The following STIM1 variants were observed in gnomAD, a reference collection of about 807,000 sequenced individuals.
STIM1 encodes the protein stromal interaction molecule 1.
In STIM1, 25 loss-of-function variants were observed where a neutral mutation model predicts 74.7. The ratio of observed to expected loss-of-function variants is 0.33; its 90% CI spans 0.24 to 0.47. The LOEUF (loss-of-function observed/expected upper bound fraction) is 0.47. Among genes scored for constraint, STIM1 ranks in the 20% least tolerant of loss-of-function variants. The probability of loss-of-function intolerance (pLI) is 1.00; values close to 1 mark genes in which losing one functional copy is unlikely to be tolerated. For missense variants in STIM1, 728 were observed against 920.8 expected, an observed-to-expected ratio of 0.79 and a Z score of 2.71; for synonymous variants, 328 against 348.8, an observed-to-expected ratio of 0.94 and a Z score of 0.66.
At chr11:3,938,146 C>T (rs1250321502) in intron 1 of STIM1, among the ~76,000 whole-genome samples, 1 of 152,078 alleles carries the variant, frequency 6.6e-6, no homozygotes, top group African/African-American at 2.4e-5. Context: ...CCATGTTGGT[C>T]AGGCTGGTCT....
chr11:4,047,709 A>T (rs1233712442), intron 3 of STIM1, among the ~76,000 whole-genome samples: 1 of 151,942 alleles, frequency 6.6e-6, no homozygotes, highest in African/African-American at 2.4e-5. Flanking sequence ...AGTCTTAGCT[A>T]CTCAGGAAGC....
At chr11:3,903,685 C>T (rs1358367650) in intron 1 of STIM1, 1 of 152,140 alleles carries the variant, frequency 6.6e-6, no homozygotes, top group African/African-American at 2.4e-5. Context: ...TTGAGACTTC[C>T]TGTTGTCATT....
intron 5 of STIM1, among the ~76,000 whole-genome samples, chr11:4,062,783 A>G (rs1316516137): frequency 6.6e-6 from 1 of 152,252 alleles, no homozygotes; most frequent in African/African-American, 2.4e-5. Flanking sequence ...CCACTAGGAT[A>G]TAATAAAAAA....
chr11:3,892,439 C>A lies in STIM1; in HGVS notation c.139+36030C>A, dbSNP rs1055645330. On this transcript the variant is annotated intron_variant, in intron 1 of 12. Coordinates refer to ENST00000526596, the MANE Select transcript of STIM1 (RefSeq NM_001382567.1). ...AGTGGTGATCTTCTTGCTGGTCTTG[C>A]CATTCCTGGACCCAAAGTGCTCTAT... The A allele has an allele frequency of 3.4e-6, 5 of 1,477,528 alleles. No homozygotes were observed. In the African/African-American group the frequency reaches 4.1e-5, roughly 12 times the overall value. The allele number at this position is 1,477,528 out of a possible 1,614,324, so 91.5% of individuals were successfully genotyped here.
intron 2 of STIM1, among the ~76,000 whole-genome samples, chr11:4,021,757 G>A (rs765203849): frequency 2.2e-4 from 33 of 152,040 alleles, no homozygotes; most frequent in African/African-American, 5.8e-4. Flanking sequence ...CATTGAATCC[G>A]TAGATTGCTT....
At chr11:4,052,453 T>C (rs1159653127) in intron 3 of STIM1, among the ~76,000 whole-genome samples, 1 of 152,184 alleles carries the variant, frequency 6.6e-6, no homozygotes, top group Non-Finnish European at 1.5e-5. Context: ...AACCATCTGA[T>C]CTTTGACAAA....
At chr11:3,908,342 G>A (rs893801274) in intron 1 of STIM1, among the ~76,000 whole-genome samples, 6 of 152,212 alleles carry the variant, frequency 3.9e-5, no homozygotes, top group Non-Finnish European at 2.9e-5. Context: ...GCCAGGCACG[G>A]CGGCTCACGC....
chr11:3,991,363 GT>G (rs1217694509), intron 2 of STIM1, among the ~76,000 whole-genome samples: 3 of 151,040 alleles, frequency 2.0e-5, no homozygotes, highest in Non-Finnish European at 4.4e-5. Flanking sequence ...TAGATACGGG[GT>G]TTTGCCATGT....
chr11:4,080,467 GTT>G, intron 7 of STIM1, among the ~76,000 whole-genome samples: 1 of 129,746 alleles, frequency 7.7e-6, no homozygotes, highest in African/African-American at 2.8e-5. Context: ...TAACCAAACA[GTT>G]TTTTTTTTTT....
chr11:4,057,856 C>T (rs1476617792), intron 4 of STIM1, among the ~76,000 whole-genome samples: 4 of 143,518 alleles, frequency 2.8e-5, no homozygotes, highest in African/African-American at 7.9e-5. Flanking sequence ...AGCGACAGAG[C>T]GAGACTCCGT....
At chr11:4,088,756 G>A in intron 12 of STIM1, 1 of 1,535,538 alleles carries the variant, frequency 6.5e-7, no homozygotes, top group Non-Finnish European at 8.7e-7. Flanking sequence ...GCTTGGGATG[G>A]GAGTCCGAGG....
At position 4,074,822 on chromosome 11, in the gene STIM1, A is replaced by G. The variant is rs528602841; in HGVS notation, c.969+143A>G. 6.5e-4 allele frequency: 619 copies of G among 954,920 alleles called. 2 individuals carry two copies. The highest frequency in any genetic ancestry group is 8.7e-4 in the Non-Finnish European group (563 of 645,806). 59.2% of individuals were successfully genotyped at this position (954,920 alleles called of 1,614,324 possible). A position where few individuals can be genotyped will look rare whatever the true frequency, so the allele number is the denominator to read the frequency against. On this transcript the variant is annotated intron_variant, in intron 7 of 12. Coordinates refer to ENST00000526596, the MANE Select transcript of STIM1 (RefSeq NM_001382567.1). ...CTAGAGTCACTGGACTCTTACCAAC[A>G]ATAAGAGTTCAAGTTGTAAAAAATA...
chr11:3,978,148 CTTTTT>C (rs768698563), intron 2 of STIM1, among the ~76,000 whole-genome samples: 1 of 139,380 alleles, frequency 7.2e-6, no homozygotes. Flanking sequence ...TGCCTGTGTA[CTTTTT>C]TTTTTTTTTT....
At chr11:3,859,900 C>T (rs1420670084) in intron 1 of STIM1, among the ~76,000 whole-genome samples, 2 of 152,198 alleles carry the variant, frequency 1.3e-5, no homozygotes, top group Non-Finnish European at 2.9e-5. Flanking sequence ...GACAATCACC[C>T]TTAGCTAGGT....
At chr11:3,947,342 C>G (rs1399767483) in intron 1 of STIM1, 1 of 152,064 alleles carries the variant, frequency 6.6e-6, no homozygotes, top group Admixed American at 6.6e-5. Context: ...AAAGTGAGCA[C>G]CAATTTGAGT....
chr11:4,082,143 T>C, intron 7 of STIM1, 41 bp from the exon 8 acceptor site: 1 of 1,608,410 alleles, frequency 6.2e-7, no homozygotes, highest in Non-Finnish European at 8.5e-7. Flanking sequence ...TTGGAGAGTC[T>C]TAGTAGCAGT....
At chr11:3,896,106 A>T (rs965961868) in intron 1 of STIM1, among the ~76,000 whole-genome samples, 6 of 151,484 alleles carry the variant, frequency 4.0e-5, no homozygotes, top group Admixed American at 6.6e-5. Flanking sequence ...GGGTTTCACC[A>T]TGTTAGCCAG....
chr11:4,050,648 A>G (rs2959070), intron 3 of STIM1, among the ~76,000 whole-genome samples: 53,313 of 152,034 alleles, frequency 0.35, 11,345 homozygotes, highest in Non-Finnish European at 0.47. Context: ...CCAGGAAAAT[A>G]CAGTTGAGCC....
chr11:4,015,412 C>A (rs898568154), intron 2 of STIM1, among the ~76,000 whole-genome samples: 8 of 152,210 alleles, frequency 5.3e-5, no homozygotes, highest in Non-Finnish European at 1.5e-5. Flanking sequence ...CCAAGAGATC[C>A]ACTGTTAGTC....
Sources: gnomAD v4.1 joint callset for allele counts (sites outside exome capture counted in the v4.1 genomes callset) on GRCh38, gnomAD v4.1.1 for gene constraint, MANE v1.5 for transcripts, NCBI Gene and HGNC (gene_info 2026-07-23, HGNC 2026-07-21) for gene names.